Variants in ADAMTSL1 observed in about 807,000 individuals in gnomAD.
ADAMTSL1 encodes the protein ADAMTS like 1, also known as ADAMTS-like protein 1.
In ADAMTSL1, 126 loss-of-function variants were observed where a neutral mutation model predicts 201.8. The observed-to-expected ratio is 0.62, with a 90% CI of 0.54 to 0.72. The LOEUF (loss-of-function observed/expected upper bound fraction) is 0.72, where lower values mean the gene tolerates loss of function less well. ADAMTSL1 is among the 30% of genes least tolerant of loss of function. The pLI, the probability that ADAMTSL1 is intolerant of heterozygous loss-of-function variation, is 0.00. For missense variants in ADAMTSL1, 2,679 were observed against 2,277.8 expected (o/e 1.18, Z -3.59); for synonymous variants, 1,121 against 903.4 (o/e 1.24, Z -4.32).
intron 2 of ADAMTSL1, among the ~76,000 whole-genome samples, chr9:18,382,254 T>C (rs1289770449): frequency 1.3e-5 from 2 of 152,120 alleles, no homozygotes; most frequent in Non-Finnish European, 2.9e-5. Flanking sequence ...ATCTGTTAAG[T>C]CTTTAGGATG....
intron 2 of ADAMTSL1, among the ~76,000 whole-genome samples, chr9:18,331,978 A>T (rs1835046170): frequency 6.6e-6 from 1 of 152,166 alleles, no homozygotes; most frequent in Non-Finnish European, 1.5e-5. Flanking sequence ...TTGATAAGGC[A>T]TTGGCAAGTA....
intron 2 of ADAMTSL1, among the ~76,000 whole-genome samples, chr9:18,344,559 CTTG>C (rs1315467675): frequency 6.6e-6 from 1 of 152,118 alleles, no homozygotes; most frequent in South Asian, 2.1e-4. Flanking sequence ...CAAATAGGCT[CTTG>C]TTGATGGTAA....
At chr9:18,346,597 C>T (rs1400626300) in intron 2 of ADAMTSL1, among the ~76,000 whole-genome samples, 1 of 152,080 alleles carries the variant, frequency 6.6e-6, no homozygotes, top group Non-Finnish European at 1.5e-5. Context: ...ACTGTTACTC[C>T]CCCAGGAGTA....
chr9:18,027,587 A>G (rs1235816892), intron 1 of ADAMTSL1, among the ~76,000 whole-genome samples: 2 of 151,956 alleles, frequency 1.3e-5, no homozygotes, highest in Non-Finnish European at 2.9e-5. Context: ...TATGCTTGGT[A>G]TGACTTAAAT....
rs531963858 is a variant in ADAMTSL1 at position 18,052,741 on chromosome 9, T to A, written c.88-111121T>A. Among the ~76,000 whole-genome samples the A allele has an allele frequency of 1.3e-4, 20 of 152,118 alleles. No individual in the cohort carries two copies. In the East Asian group the frequency reaches 3.7e-3, roughly 28 times the overall value. ...CTTTTTTATTTTACTATTTTAGGAG[T>A]CTTTTTAATGTTTTATCTTAGTTAA... is the stretch of plus-strand genomic sequence containing the variant. On this transcript the variant is annotated intron_variant, in intron 1 of 29. Transcript: ENST00000680146.
At chr9:18,301,121 C>G (rs980297095) in intron 2 of ADAMTSL1, among the ~76,000 whole-genome samples, 1 of 152,046 alleles carries the variant, frequency 6.6e-6, no homozygotes, top group South Asian at 2.1e-4. Context: ...TTTCATCAAT[C>G]CAAGATACTT....
At chr9:18,476,342 A>G (rs1433504472) in intron 1 of ADAMTSL1, among the ~76,000 whole-genome samples, 6 of 152,314 alleles carry the variant, frequency 3.9e-5, no homozygotes, top group Middle Eastern at 6.8e-3. Flanking sequence ...AGGTCAAATA[A>G]TGGAGAGAAT....
At chr9:18,804,315 C>T (rs1418078853) in intron 20 of ADAMTSL1, among the ~76,000 whole-genome samples, 1 of 152,086 alleles carries the variant, frequency 6.6e-6, no homozygotes, top group Non-Finnish European at 1.5e-5. Flanking sequence ...GAAAATGTCT[C>T]AGAGAACTGG....
chr9:17,972,149 T>G (rs4997911), intron 1 of ADAMTSL1, among the ~76,000 whole-genome samples: 1 of 150,678 alleles, frequency 6.6e-6, no homozygotes, highest in Non-Finnish European at 1.5e-5. Flanking sequence ...TCTTTTTCTT[T>G]TTTTTAAATT....
At chr9:18,205,487 A>C (rs573592035) in intron 2 of ADAMTSL1, among the ~76,000 whole-genome samples, 99 of 152,162 alleles carry the variant, frequency 6.5e-4, no homozygotes, top group Middle Eastern at 3.4e-3. Context: ...GGAAAAAAAA[A>C]CGAAAAGTTT....
intron 26 of ADAMTSL1, among the ~76,000 whole-genome samples, chr9:18,894,199 G>C (rs1048720642): frequency 6.6e-6 from 1 of 152,220 alleles, no homozygotes; most frequent in Non-Finnish European, 1.5e-5. Flanking sequence ...TAAGATTACT[G>C]TCTGGCCAGG....
chr9:17,978,127 C>G (rs72697416), intron 1 of ADAMTSL1, among the ~76,000 whole-genome samples: 6,671 of 152,002 alleles, frequency 0.044, 222 homozygotes, highest in Non-Finnish European at 0.06. Context: ...CTTCTGTTCT[C>G]TTTTAGTTTT....
chr9:18,676,846 G>A (rs968158112), intron 10 of ADAMTSL1, among the ~76,000 whole-genome samples: 1 of 151,962 alleles, frequency 6.6e-6, no homozygotes, highest in African/African-American at 2.4e-5. Flanking sequence ...AGGGTTTGAT[G>A]GAAAAATCTC....
rs1830523981 is a variant in ADAMTSL1 at position 18,910,177 on chromosome 9, A to C, written c.*1629A>C. 6.6e-6 allele frequency: 1 copy of C among 152,146 alleles called. No individual in the cohort carries two copies. The highest frequency in any genetic ancestry group is 2.4e-5 in the African/African-American group (1 of 41,414). The allele number at this position is 152,146 out of a possible 1,614,324, so 9.4% of individuals were successfully genotyped here. ...TATTAATCTGTGTCCCCACCTAGTG[A>C]GCTGTGGACAGGTTTAAGTTGGGTC... On this transcript the variant is annotated 3_prime_UTR_variant, in exon 29 of 29. Transcript: ENST00000380548.
chr9:18,123,434 A>G (rs1456777097), intron 1 of ADAMTSL1, among the ~76,000 whole-genome samples: 2 of 152,208 alleles, frequency 1.3e-5, no homozygotes, highest in Non-Finnish European at 2.9e-5. Flanking sequence ...TAAAATCCTC[A>G]CAGATCCCAG....
At chr9:18,266,411 T>C (rs1466528462) in intron 2 of ADAMTSL1, among the ~76,000 whole-genome samples, 1 of 152,198 alleles carries the variant, frequency 6.6e-6, no homozygotes, top group Non-Finnish European at 1.5e-5. Context: ...TGAATGAGCC[T>C]CACAAACCAA....
intron 4 of ADAMTSL1, among the ~76,000 whole-genome samples, chr9:18,599,794 AATTT>A (rs1185305971): frequency 2.0e-5 from 3 of 150,480 alleles, no homozygotes; most frequent in African/African-American, 7.3e-5. Flanking sequence ...ATATTTATAT[AATTT>A]ATTTATAACT....
In ADAMTSL1 at chr9:18,795,629, TC is replaced by T. The variant is rs1822377227; in HGVS notation, c.3805+108del. ...GATGCATAGATAAAGGAGACCCAGA[TC>T]CCATCTTCAGGGAGTTTGTAATCTA... is the stretch of plus-strand genomic sequence containing the variant. On this transcript the variant is annotated intron_variant, in intron 20 of 28. Coordinates refer to ENST00000380548, the MANE Select transcript of ADAMTSL1 (RefSeq NM_001040272.6). The T allele has an allele frequency of 9.6e-6, 12 of 1,244,038 alleles. No individual in the cohort carries two copies. In the South Asian group the frequency reaches 1.9e-4, roughly 20 times the overall value. The allele number at this position is 1,244,038 out of a possible 1,614,324, so 77.1% of individuals were successfully genotyped here.
At chr9:18,287,650 C>T (rs2252980) in intron 2 of ADAMTSL1, among the ~76,000 whole-genome samples, 25,213 of 139,624 alleles carry the variant, frequency 0.18, 4,133 homozygotes, top group African/African-American at 0.44. Flanking sequence ...TATGTGTATA[C>T]ATATACACAT....
Sources: allele counts gnomAD v4.1 joint callset (sites outside exome capture counted in the v4.1 genomes callset), GRCh38; gene constraint gnomAD v4.1.1; transcripts MANE v1.5; gene names NCBI Gene and HGNC (gene_info 2026-07-23, HGNC 2026-07-21).